The following MMP26 variants were observed in gnomAD, a reference collection of about 807,000 sequenced individuals.
The protein encoded by MMP26 is matrix metalloproteinase-26.
Under a neutral mutation model 31.0 loss-of-function variants are expected in MMP26, and 33 were observed. The ratio of observed to expected loss-of-function variants is 1.06; its 90% CI spans 0.81 to 1.42. The LOEUF (loss-of-function observed/expected upper bound fraction) is 1.42, where lower values mean the gene tolerates loss of function less well. MMP26 is among the 40% of genes most tolerant of loss of function. The probability of loss-of-function intolerance (pLI) is 0.00; values close to 1 mark genes in which losing one functional copy is unlikely to be tolerated. For synonymous variants in MMP26, 122 were observed against 114.9 expected (o/e 1.06, Z -0.40); for missense variants, 347 against 316.1 (o/e 1.10, Z -0.74).
chr11:4,831,834 G>T (rs1380796478), intron 2 of MMP26, among the ~76,000 whole-genome samples: 1 of 152,082 alleles, frequency 6.6e-6, no homozygotes, highest in Non-Finnish European at 1.5e-5. Flanking sequence ...AAAAAAGCGG[G>T]TATCAAAGCA....
At chr11:4,868,296 CAT>C (rs1473675323) in intron 2 of MMP26, among the ~76,000 whole-genome samples, 1 of 152,176 alleles carries the variant, frequency 6.6e-6, no homozygotes, top group East Asian at 1.9e-4. Flanking sequence ...TTGCAGATGA[CAT>C]GATTGTACCT....
At chr11:4,985,239 C>T (rs1044394000) in intron 2 of MMP26, among the ~76,000 whole-genome samples, 1 of 152,062 alleles carries the variant, frequency 6.6e-6, no homozygotes, top group African/African-American at 2.4e-5. Flanking sequence ...TTATATTCCC[C>T]AAACCCTAGT....
chr11:4,927,800 G>A (rs889952953), intron 2 of MMP26, among the ~76,000 whole-genome samples: 1 of 152,086 alleles, frequency 6.6e-6, no homozygotes, highest in African/African-American at 2.4e-5. Flanking sequence ...ATTCCCTGAC[G>A]AGTTCTCATG....
chr11:4,974,328 T>C (rs893136603), intron 2 of MMP26, among the ~76,000 whole-genome samples: 16 of 151,514 alleles, frequency 1.1e-4, no homozygotes. Context: ...TGTTAAAAAT[T>C]TGTAAGATTT....
chr11:4,907,745 A>G (rs1850922005), intron 2 of MMP26: 2 of 1,614,098 alleles, frequency 1.2e-6, no homozygotes, highest in Non-Finnish European at 1.7e-6. Context: ...CTTTCTTGCC[A>G]TTCACAATCC....
rs76279908 is a variant in MMP26 at position 4,843,108 on chromosome 11, C to T, written c.-145+75767C>T. On this transcript the variant is annotated intron_variant, in intron 2 of 7. Coordinates refer to ENST00000380390, the MANE Select transcript of MMP26 (RefSeq NM_021801.5). ...TGTGCCCCTGTGGCTATTCAGGATA[C>T]AGCCCCTGCAGTTGCTTTCACAGGC... Among the ~76,000 whole-genome samples, 3 of 152,242 alleles carry T rather than the reference C, an allele frequency of 2.0e-5. No individual in the cohort carries two copies. The East Asian group carries it at 5.8e-4, about 29-fold the overall frequency.
chr11:4,726,264 G>A (rs1263304077), intron 1 of MMP26, among the ~76,000 whole-genome samples: 1 of 152,054 alleles, frequency 6.6e-6, no homozygotes, highest in Non-Finnish European at 1.5e-5. Flanking sequence ...ATCACTTGAG[G>A]TCCAGCCTGG....
At chr11:4,975,050 C>G (rs773935243) in intron 2 of MMP26, among the ~76,000 whole-genome samples, 10 of 151,938 alleles carry the variant, frequency 6.6e-5, no homozygotes, top group Non-Finnish European at 1.2e-4. Flanking sequence ...AGCAAACCAC[C>G]CTGGCACAAG....
chr11:4,951,636 A>G lies in MMP26; in HGVS notation c.-144-36432A>G, dbSNP rs1428674540. Among the ~76,000 whole-genome samples, 8 of 123,866 alleles carry G rather than the reference A, an allele frequency of 6.5e-5. 1 individual carries two copies. Among genetic ancestry groups the G allele is most frequent in the African/African-American group, 1.6e-4 (6 of 36,588 alleles). 81.3% of individuals were successfully genotyped at this position (123,866 alleles called of 152,430 possible). ...TTTCTCCAAACTTTCTGGAAAGAGA[A>G]TGGCCATTTTAATATATCACAGTCA... is the stretch of plus-strand genomic sequence containing the variant. On this transcript the variant is annotated intron_variant, in intron 2 of 7. Coordinates refer to ENST00000380390, the MANE Select transcript of MMP26 (RefSeq NM_021801.5).
intron 2 of MMP26, among the ~76,000 whole-genome samples, chr11:4,829,215 A>G (rs750778063): frequency 6.6e-6 from 1 of 152,106 alleles, no homozygotes; most frequent in Non-Finnish European, 1.5e-5. Context: ...CATATTATCA[A>G]ATCTTCAGCG....
intron 2 of MMP26, among the ~76,000 whole-genome samples, chr11:4,809,012 A>G (rs749636408): frequency 6.6e-6 from 1 of 151,304 alleles, no homozygotes; most frequent in Non-Finnish European, 1.5e-5. Context: ...ATACTTAGCC[A>G]TTTTTGTCCA....
rs374259724 is a variant in MMP26 at position 4,955,641 on chromosome 11, C to T, written c.-144-32427C>T. ...ATGGGGATAGAGATCCAGATGTGTG[C>T]ATATTCTAGCCCTGGCATCCCAACC... On this transcript the variant is annotated intron_variant, in intron 2 of 7. Coordinates refer to ENST00000380390, the MANE Select transcript of MMP26 (RefSeq NM_021801.5). The T allele has an allele frequency of 7.4e-5, 112 of 1,517,756 alleles. 2 individuals carry two copies. The highest frequency in any genetic ancestry group is 9.5e-5 in the Non-Finnish European group (105 of 1,104,308). The allele number at this position is 1,517,756 out of a possible 1,614,324, so 94.0% of individuals were successfully genotyped here. A position where few individuals can be genotyped will look rare whatever the true frequency, so the allele number is the denominator to read the frequency against.
intron 2 of MMP26, chr11:4,915,170 G>A: frequency 6.2e-7 from 1 of 1,614,074 alleles, no homozygotes; most frequent in Non-Finnish European, 8.5e-7. Flanking sequence ...GAGCATAAAA[G>A]GTAATGGAAA....
intron 2 of MMP26, among the ~76,000 whole-genome samples, chr11:4,788,316 C>A (rs1184160579): frequency 6.6e-6 from 1 of 151,648 alleles, no homozygotes; most frequent in Non-Finnish European, 1.5e-5. Flanking sequence ...ACTGAGATTC[C>A]TCCACAGAGG....
chr11:4,765,577 C>T (rs1388806427), intron 1 of MMP26, among the ~76,000 whole-genome samples: 2 of 152,166 alleles, frequency 1.3e-5, no homozygotes, highest in Non-Finnish European at 2.9e-5. Context: ...CTTGTTGGTT[C>T]CTGTGATAAT....
intron 1 of MMP26, among the ~76,000 whole-genome samples, chr11:4,739,775 T>C (rs1589887835): frequency 1.3e-5 from 2 of 152,326 alleles, no homozygotes; most frequent in East Asian, 1.9e-4. Flanking sequence ...TATAGGCCAC[T>C]GAGAAGCTGG....
At chr11:4,986,932 C>CCCTCT (rs1846903256) in intron 2 of MMP26, among the ~76,000 whole-genome samples, 81 of 60,412 alleles carry the variant, frequency 1.3e-3, no homozygotes, top group Non-Finnish European at 1.8e-3. Context: ...TCTCTCTCTC[C>CCCTCT]CTCTCTCTCT....
intron 2 of MMP26, chr11:4,908,251 G>C: frequency 6.2e-7 from 1 of 1,614,142 alleles, no homozygotes; most frequent in Non-Finnish European, 8.5e-7. Flanking sequence ...ACTGTGTAAA[G>C]ACTCGACAAA....
intron 2 of MMP26, chr11:4,768,921 G>T: frequency 8.6e-7 from 1 of 1,163,962 alleles, no homozygotes; most frequent in Admixed American, 2.6e-5. Flanking sequence ...GAGCAAGTTC[G>T]CTTTTCTACA....
Sources: allele counts gnomAD v4.1 joint callset (sites outside exome capture counted in the v4.1 genomes callset), GRCh38; gene constraint gnomAD v4.1.1; transcripts MANE v1.5; gene names NCBI Gene and HGNC (gene_info 2026-07-23, HGNC 2026-07-21).